REV3L: variants seen among roughly 807,000 people sequenced by gnomAD.
REV3L encodes REV3 like, DNA directed polymerase zeta catalytic subunit.
Under a neutral mutation model 299.4 loss-of-function variants are expected in REV3L, and 69 were observed. That is an observed-to-expected ratio of 0.23 (90% CI 0.19 to 0.28). The LOEUF is 0.28. Among genes scored for constraint, REV3L ranks in the 10% least tolerant of loss-of-function variants. REV3L has a pLI of 1.00. For missense variants in REV3L, 3,128 were observed against 3,693.8 expected, an observed-to-expected ratio of 0.85 and a Z score of 3.97; for synonymous variants, 1,238 against 1,271.4, an observed-to-expected ratio of 0.97 and a Z score of 0.56.
chr6:111,429,877 T>C (rs1016399681), intron 1 of REV3L, among the ~76,000 whole-genome samples: 16 of 151,968 alleles, frequency 1.1e-4, no homozygotes, highest in African/African-American at 3.4e-4. Flanking sequence ...ACCAGGAGTA[T>C]GTAGAGAAGC....
intron 1 of REV3L, among the ~76,000 whole-genome samples, chr6:111,424,217 TA>T (rs1182284875): frequency 6.6e-6 from 1 of 152,104 alleles, no homozygotes; most frequent in Non-Finnish European, 1.5e-5. Flanking sequence ...TTTGATAATA[TA>T]AACATATTAG....
intron 1 of REV3L, among the ~76,000 whole-genome samples, chr6:111,426,500 A>T (rs948985066): frequency 6.6e-6 from 1 of 152,212 alleles, no homozygotes; most frequent in African/African-American, 2.4e-5. Context: ...GTGAAAAATC[A>T]GACTTTGGTG....
intron 30 of REV3L, among the ~76,000 whole-genome samples, chr6:111,308,836 G>C (rs1475281558): frequency 6.6e-6 from 1 of 152,216 alleles, no homozygotes; most frequent in Non-Finnish European, 1.5e-5. Flanking sequence ...CTAGGAATGT[G>C]TTTGTAGAAT....
intron 16 of REV3L, among the ~76,000 whole-genome samples, chr6:111,362,553 A>T (rs886532659): frequency 3.9e-5 from 6 of 152,312 alleles, no homozygotes; most frequent in Non-Finnish European, 7.4e-5. Flanking sequence ...AGTCACATTT[A>T]AAAAAATAAA....
intron 1 of REV3L, chr6:111,430,776 T>G: frequency 6.2e-7 from 1 of 1,606,538 alleles, no homozygotes; most frequent in Non-Finnish European, 8.5e-7. Flanking sequence ...CAGGAGCAGC[T>G]TGACCGCATC....
At chr6:111,460,123 G>A (rs189932985) in intron 1 of REV3L, among the ~76,000 whole-genome samples, 55 of 152,078 alleles carry the variant, frequency 3.6e-4, no homozygotes, top group African/African-American at 1.3e-3. Flanking sequence ...GCAACAACAC[G>A]GATGCAGTTG....
In REV3L at chr6:111,483,002, C is replaced by G. The variant is rs1793960251; in HGVS notation, c.-114G>C. 7.8e-7 allele frequency: 1 copy of G among 1,276,980 alleles called. No individual in the cohort carries two copies. The highest frequency in any genetic ancestry group is 4.1e-5 in the Admixed American group (1 of 24,398). 79.1% of individuals were successfully genotyped at this position (1,276,980 alleles called of 1,614,324 possible). ...GCCCCCTCCCCTTCTCGGCACGGCC[C>G]CCTCCCCTCACACAGAGGCACCTCG... On this transcript the variant is annotated 5_prime_UTR_variant, in exon 1 of 32. Coordinates refer to ENST00000368802, the MANE Select transcript of REV3L (RefSeq NM_001372078.1).
chr6:111,322,162 T>G (rs1283364827), intron 26 of REV3L, among the ~76,000 whole-genome samples: 1 of 152,204 alleles, frequency 6.6e-6, no homozygotes, highest in Non-Finnish European at 1.5e-5. Flanking sequence ...AGTTAACCAT[T>G]CACAGTTCTG....
In REV3L at chr6:111,429,806, G is replaced by C. The variant is rs1188700196; in HGVS notation, c.140-13334C>G. Among the ~76,000 whole-genome samples, 3 of 152,208 alleles carry C rather than the reference G, an allele frequency of 2.0e-5. No individual in the cohort carries two copies. The Middle Eastern group carries it at 0.01, about 518-fold the overall frequency. On this transcript the variant is annotated intron_variant, in intron 1 of 31. Transcript: ENST00000368802. ...CCTGGCGCGGGGGGTGAGCACAGGGGCCCGGTCGGACATGGACAAGAAGCA... is the reference window on the plus strand; with the variant it reads ...CCTGGCGCGGGGGGTGAGCACAGGGCCCCGGTCGGACATGGACAAGAAGCA...
chr6:111,431,038 C>CT lies in REV3L; in HGVS notation c.140-14567_140-14566insA, dbSNP rs1381533795. 1.5e-5 allele frequency: 23 copies of CT among 1,542,750 alleles called. No individual in the cohort carries two copies. In the Admixed American group the frequency reaches 3.3e-4, roughly 22 times the overall value. On this transcript the variant is annotated intron_variant, in intron 1 of 31. Transcript: ENST00000368802. ...TCCAGTGTTATATTTGAATTATGGG[C>CT]CCTACAGTTCTTATGCACCGCATTA...
intron 13 of REV3L, 76 bp from the exon 14 acceptor site, chr6:111,368,104 T>TA: frequency 7.7e-7 from 1 of 1,291,874 alleles, no homozygotes; most frequent in South Asian, 1.5e-5. Flanking sequence ...ATATCCTAGA[T>TA]AAAGTCCCTT....
At chr6:111,393,102 A>G in intron 4 of REV3L, 130 bp from the exon 5 acceptor site, 1 of 567,350 alleles carries the variant, frequency 1.8e-6, no homozygotes. Context: ...CAGTGGCGCA[A>G]TCTCGGCTCA....
At chr6:111,431,471 C>A (rs1582967999) in intron 1 of REV3L, 1 of 1,041,418 alleles carries the variant, frequency 9.6e-7, no homozygotes, top group East Asian at 2.4e-5. Flanking sequence ...TTGATGAGAC[C>A]ACCAGATTGC....
intron 4 of REV3L, among the ~76,000 whole-genome samples, chr6:111,396,911 CT>C (rs1371054097): frequency 6.6e-6 from 1 of 152,124 alleles, no homozygotes; most frequent in Non-Finnish European, 1.5e-5. Context: ...GGTTTCCCAA[CT>C]TGTTCACATA....
At chr6:111,430,083 G>C (rs1342130794) in intron 1 of REV3L, among the ~76,000 whole-genome samples, 1 of 152,170 alleles carries the variant, frequency 6.6e-6, no homozygotes, top group Non-Finnish European at 1.5e-5. Context: ...AAGAGTTAAG[G>C]AGGATAAAAA....
rs746427962 is a variant in REV3L, at chr6:111,474,981, C to CTATA, written c.139+7765_139+7768dup. Among the ~76,000 whole-genome samples, 564 of 108,084 alleles carry CTATA rather than the reference C, an allele frequency of 5.2e-3. 3 individuals are homozygous for CTATA. Among genetic ancestry groups the CTATA allele is most frequent in the East Asian group, 0.014 (54 of 3,974 alleles). The allele number at this position is 108,084 out of a possible 152,430, so 70.9% of individuals were successfully genotyped here. ...CATGCACATTACATTCTATAGCTGC[C>CTATA]TATATATACACACACACACACACAC... On this transcript the variant is annotated intron_variant, in intron 1 of 31. Transcript: ENST00000368802.
intron 16 of REV3L, chr6:111,360,623 A>G (rs1181973638): frequency 6.6e-6 from 1 of 151,790 alleles, no homozygotes; most frequent in Non-Finnish European, 1.5e-5. Flanking sequence ...CTATAGGTAC[A>G]TATCACCATG....
intron 17 of REV3L, 84 bp downstream of exon 17, chr6:111,358,738 G>T: frequency 9.4e-7 from 1 of 1,066,438 alleles, no homozygotes; most frequent in Admixed American, 2.1e-5. Context: ...TGCTTGCTTA[G>T]ATTAGATCTT....
At chr6:111,460,530 T>A (rs1449305511) in intron 1 of REV3L, 1 of 152,056 alleles carries the variant, frequency 6.6e-6, no homozygotes, top group Non-Finnish European at 1.5e-5. Context: ...CAATCCAGAA[T>A]TCTATATTCA....
Sources: allele counts gnomAD v4.1 joint callset (sites outside exome capture counted in the v4.1 genomes callset), GRCh38; gene constraint gnomAD v4.1.1; transcripts MANE v1.5; gene names NCBI Gene and HGNC (gene_info 2026-07-23, HGNC 2026-07-21).